HSD17B13: variants seen among roughly 807,000 people sequenced by gnomAD.
HSD17B13 encodes 17-beta-hydroxysteroid dehydrogenase 13.
HSD17B13 carries 26 observed loss-of-function variants against 31.1 expected under a neutral mutation model. The ratio of observed to expected loss-of-function variants is 0.84; its 90% CI spans 0.61 to 1.16. The LOEUF is 1.16. Ranked by LOEUF, HSD17B13 falls within the 50% of genes most tolerant of loss-of-function variation. The pLI, the probability that HSD17B13 is intolerant of heterozygous loss-of-function variation, is 0.00. For missense variants in HSD17B13, 374 were observed against 366.5 expected (o/e 1.02, Z -0.17); for synonymous variants, 141 against 133.7 (o/e 1.05, Z -0.38).
chr4:87,305,679 C>T (rs1734375221), intron 6 of HSD17B13, among the ~76,000 whole-genome samples: 1 of 151,902 alleles, frequency 6.6e-6, no homozygotes. Flanking sequence ...CGCCATTGCA[C>T]TCCAGCCTGG....
intron 6 of HSD17B13, among the ~76,000 whole-genome samples, chr4:87,308,509 A>T (rs1192537400): frequency 3.5e-4 from 36 of 101,600 alleles, no homozygotes; most frequent in African/African-American, 1.8e-3. Context: ...AAAAAAAAAA[A>T]AAAAAAAAAA....
In HSD17B13 at chr4:87,305,226, T is replaced by C; in HGVS notation, c.895A>G (p.Met299Val). ...FEAVVGHKIK[M>V]K ...GGCTGGAGCTTATTTATTCATTTCA[T>C]TTTGATTTTGTGGCCAACCACTGCT... Residue 299 changes from methionine (M) to valine (V), a missense_variant, in exon 7 of 7, where the codon ATG (methionine) becomes GTG (valine). By Grantham distance (21) the Met-to-Val change is conservative. Transcript: ENST00000328546. 1.3e-6 allele frequency: 2 copies of C among 1,599,568 alleles called. No homozygotes were observed. The highest frequency in any genetic ancestry group is 1.7e-6 in the Non-Finnish European group (2 of 1,170,748).
At chr4:87,322,562 T>A in intron 1 of HSD17B13, 70 bp downstream of exon 1, 1 of 1,169,676 alleles carries the variant, frequency 8.5e-7, no homozygotes, top group Non-Finnish European at 1.3e-6. Context: ...AAGTAGATGG[T>A]AAGTCAAATA....
intron 5 of HSD17B13, among the ~76,000 whole-genome samples, chr4:87,312,839 C>G (rs1325334797): frequency 1.3e-5 from 2 of 151,818 alleles, no homozygotes; most frequent in Non-Finnish European, 2.9e-5. Flanking sequence ...GCAGGTAGGA[C>G]ACCTGAGGTC....
At chr4:87,320,225 A>G (rs1208008267) in intron 1 of HSD17B13, among the ~76,000 whole-genome samples, 8 of 152,182 alleles carry the variant, frequency 5.3e-5, no homozygotes, top group African/African-American at 1.2e-4. Context: ...GAGTAAAAAA[A>G]GAATAGGAGA....
intron 1 of HSD17B13, 93 bp from the exon 2 acceptor site, chr4:87,318,529 G>A (rs1278989760): frequency 8.0e-6 from 8 of 995,804 alleles, no homozygotes; most frequent in Non-Finnish European, 1.3e-5. Context: ...GCTAGGCGCG[G>A]TGGCTCACGC....
At chr4:87,308,420 C>A (rs71607416) in intron 6 of HSD17B13, among the ~76,000 whole-genome samples, 20 of 125,460 alleles carry the variant, frequency 1.6e-4, no homozygotes, top group African/African-American at 5.9e-4. Flanking sequence ...GAGGCTGAGG[C>A]GGGCGGATCA....
chr4:87,308,117 CTA>C (rs1429447861), intron 6 of HSD17B13, among the ~76,000 whole-genome samples: 6 of 152,186 alleles, frequency 3.9e-5, no homozygotes, highest in Non-Finnish European at 5.9e-5. Context: ...ATTCTGTTCT[CTA>C]AGACTTTAAC....
In HSD17B13 at chr4:87,318,336, A is replaced by G. The variant is rs570809646; in HGVS notation, c.311T>C (p.Leu104Pro). Residue 104 changes from leucine (L) to proline (P), a missense_variant, in exon 2 of 7, where the codon CTA (leucine) becomes CCA (proline). By Grantham distance (98) the Leu-to-Pro change is moderately conservative (BLOSUM62 -3). Transcript: ENST00000328546. ...GTGAACCTGCAGTCTCACCTGATTTAGAGAGCGATAGATCTCTTCTCTGTT... is the reference window on the plus strand; with the variant it reads ...GTGAACCTGCAGTCTCACCTGATTTGGAGAGCGATAGATCTCTTCTCTGTT... ...CSNREEIYRS[L>P]NQVKKEVGDV... 1.9e-4 allele frequency: 313 copies of G among 1,611,488 alleles called. 1 individual carries two copies. The highest frequency in any genetic ancestry group is 2.5e-4 in the Non-Finnish European group (298 of 1,177,674).
intron 4 of HSD17B13, 112 bp from the exon 5 acceptor site, chr4:87,314,072 G>A: frequency 1.4e-6 from 1 of 726,420 alleles, no homozygotes; most frequent in Non-Finnish European, 2.1e-6. Flanking sequence ...CCAAAAATCA[G>A]CCACTTGTGA....
At chr4:87,311,776 T>C (rs1734534867) in intron 5 of HSD17B13, among the ~76,000 whole-genome samples, 1 of 152,184 alleles carries the variant, frequency 6.6e-6, no homozygotes, top group African/African-American at 2.4e-5. Flanking sequence ...GATCTGTGGT[T>C]TGCTGCAGAT....
chr4:87,309,853 A>C (rs1310945364), intron 6 of HSD17B13, among the ~76,000 whole-genome samples: 1 of 152,130 alleles, frequency 6.6e-6, no homozygotes, highest in Non-Finnish European at 1.5e-5. Flanking sequence ...CAACTGAAAG[A>C]TGCTCCATAA....
chr4:87,317,202 C>T lies in HSD17B13; in HGVS notation c.340G>A (p.Val114Ile). The change falls in exon 3 of 7, where the codon GTA (valine) becomes ATA (isoleucine). Residue 114 changes from valine to isoleucine, a missense_variant. By Grantham distance (29) the Val-to-Ile change is conservative (BLOSUM62 3). Coordinates refer to ENST00000328546, the MANE Select transcript of HSD17B13 (RefSeq NM_178135.5). Reference protein sequence around the residue: ...LNQVKKEVGDVTIVVNNAGTV... With the variant: ...LNQVKKEVGDITIVVNNAGTV... ...CCAGCATTATTCACCACGATTGTTA[C>T]ATCACCCACTTCTTTCTTCACCTTT... The T allele has an allele frequency of 6.2e-7, 1 of 1,614,060 alleles. No individual in the cohort carries two copies. The highest frequency in any genetic ancestry group is 8.5e-7 in the Non-Finnish European group (1 of 1,179,946).
chr4:87,322,427 A>G (rs1734809903), intron 1 of HSD17B13, among the ~76,000 whole-genome samples: 1 of 152,218 alleles, frequency 6.6e-6, no homozygotes, highest in South Asian at 2.1e-4. Context: ...ATCAACCTGC[A>G]CACCATGTCA....
chr4:87,305,236 GT>G lies in HSD17B13; in HGVS notation c.884del (p.His295ProfsTer5), dbSNP rs1734362421. On this transcript the variant is annotated frameshift_variant, in exon 7 of 7. Transcript: ENST00000328546. LOFTEE classifies it high-confidence loss of function. ...QNIQFEAVVG[H>X]KIKMK ...TATTTATTCATTTCATTTTGATTTT[GT>G]GGCCAACCACTGCTTCAAATTGAAT... 1 of 1,604,838 alleles carries G rather than the reference GT, an allele frequency of 6.2e-7. No individual in the cohort carries two copies. Among genetic ancestry groups the G allele is most frequent in the East Asian group, 2.2e-5 (1 of 44,662 alleles).
chr4:87,305,837 C>G (rs988612726), intron 6 of HSD17B13, among the ~76,000 whole-genome samples: 1 of 152,112 alleles, frequency 6.6e-6, no homozygotes, highest in Non-Finnish European at 1.5e-5. Context: ...GCATTTGAAG[C>G]TGGAAGAAAG....
chr4:87,307,875 T>C (rs1490659345), intron 6 of HSD17B13, among the ~76,000 whole-genome samples: 1 of 152,184 alleles, frequency 6.6e-6, no homozygotes, highest in African/African-American at 2.4e-5. Flanking sequence ...CTATTTAAGC[T>C]AAAACCAAAT....
intron 3 of HSD17B13, among the ~76,000 whole-genome samples, chr4:87,316,517 A>T (rs563700916): frequency 6.6e-6 from 1 of 152,286 alleles, no homozygotes; most frequent in East Asian, 1.9e-4. Flanking sequence ...ATTTCTATAC[A>T]AAGGCAGTTG....
In HSD17B13 at chr4:87,313,832, G is replaced by A. The variant is rs552091804; in HGVS notation, c.686C>T (p.Pro229Leu). ...VFVNTGFTKN[P>L]STRLWPVLET... is the part of the protein sequence containing the mutation. ...TTGATTTTGACCTTACCTTGTGCTTGGATTTTTGGTGAACCCAGTATTCAC... is the reference window on the plus strand; with the variant it reads ...TTGATTTTGACCTTACCTTGTGCTTAGATTTTTGGTGAACCCAGTATTCAC... Residue 229 changes from proline to leucine, a missense_variant, in exon 5 of 7, where the codon CCA becomes CTA. Pro to Leu is a moderately conservative substitution (Grantham distance 98). Transcript: ENST00000328546. 96 of 1,611,024 alleles carry A rather than the reference G, an allele frequency of 6.0e-5. 2 individuals are homozygous for A. In the South Asian group the frequency reaches 1.0e-3, roughly 17 times the overall value.
Sources: allele counts gnomAD v4.1 joint callset (sites outside exome capture counted in the v4.1 genomes callset), GRCh38; gene constraint gnomAD v4.1.1; transcripts MANE v1.5; gene names NCBI Gene and HGNC (gene_info 2026-07-23, HGNC 2026-07-21).